PLCG2: variants seen among roughly 807,000 people sequenced by gnomAD.
PLCG2 encodes phospholipase C gamma 2, also known as 1-phosphatidylinositol 4,5-bisphosphate phosphodiesterase gamma-2.
In PLCG2, 69 loss-of-function variants were observed where a neutral mutation model predicts 175.6. The ratio of observed to expected loss-of-function variants is 0.39; its 90% CI spans 0.32 to 0.48. The LOEUF (loss-of-function observed/expected upper bound fraction) is 0.48, where lower values mean the gene tolerates loss of function less well. Ranked by LOEUF, PLCG2 falls within the 20% of genes least tolerant of loss-of-function variation. The pLI is 0.91. For synonymous variants in PLCG2, 827 were observed against 624.0 expected (o/e 1.33, Z -4.85); for missense variants, 1,798 against 1,650.9 (o/e 1.09, Z -1.54).
intron 25 of PLCG2, among the ~76,000 whole-genome samples, chr16:81,932,734 A>G (rs750571185): frequency 5.9e-5 from 9 of 152,194 alleles, no homozygotes; most frequent in Non-Finnish European, 1.0e-4. Flanking sequence ...GGACTGGTCC[A>G]TGGGTGCCCT....
At chr16:81,809,815 G>A (rs1018767360) in intron 2 of PLCG2, among the ~76,000 whole-genome samples, 52 of 113,404 alleles carry the variant, frequency 4.6e-4, no homozygotes, top group African/African-American at 1.7e-3. Flanking sequence ...GCAGAGTCAG[G>A]ATTTTTTGGC....
At chr16:81,797,281 GAA>G (rs35978156) in intron 2 of PLCG2, among the ~76,000 whole-genome samples, 1 of 146,632 alleles carries the variant, frequency 6.8e-6, no homozygotes, top group African/African-American at 2.5e-5. Flanking sequence ...AATCATTTTT[GAA>G]AAAAAAAAAA....
intron 5 of PLCG2, among the ~76,000 whole-genome samples, chr16:81,864,130 T>C (rs1008704891): frequency 6.6e-6 from 1 of 152,186 alleles, no homozygotes; most frequent in Non-Finnish European, 1.5e-5. Context: ...CGGAATCCCC[T>C]GGAGGATTTG....
rs531688561 is a variant in PLCG2, at chr16:81,751,914, CG to C, written c.-144-3953del. Among the ~76,000 whole-genome samples the C allele has an allele frequency of 3.8e-3, 580 of 151,948 alleles. 4 individuals carry two copies. Among genetic ancestry groups the C allele is most frequent in the African/African-American group, 0.013 (553 of 41,468 alleles). On this transcript the variant is annotated intron_variant, in intron 1 of 5. Transcript: ENST00000565054. ...GCAGGCGTCTGTAATCTTAGCTACT[CG>C]GGAGGCTGAGGTGGGAGATTTGCTT...
intron 2 of PLCG2, among the ~76,000 whole-genome samples, chr16:81,849,608 T>A (rs1282804832): frequency 2.6e-5 from 4 of 151,698 alleles, no homozygotes; most frequent in Non-Finnish European, 5.9e-5. Context: ...GAAATACACA[T>A]ACACACACAC....
intron 2 of PLCG2, among the ~76,000 whole-genome samples, chr16:81,844,484 G>C (rs1055161500): frequency 6.6e-6 from 1 of 152,058 alleles, no homozygotes; most frequent in South Asian, 2.1e-4. Flanking sequence ...CCCATGCCCG[G>C]CTAATTTTTG....
At chr16:81,957,597 C>T (rs7202665) in intron 32 of PLCG2, among the ~76,000 whole-genome samples, 4,118 of 152,148 alleles carry the variant, frequency 0.027, 192 homozygotes, top group African/African-American at 0.092. Context: ...GCGGGGCGGC[C>T]GGGGTTGCCA....
intron 2 of PLCG2, among the ~76,000 whole-genome samples, chr16:81,809,861 A>G (rs1904302447): frequency 1.3e-5 from 2 of 151,778 alleles, no homozygotes; most frequent in Admixed American, 6.6e-5. Context: ...CAGCTCAAGC[A>G]AAAAAAGAGA....
chr16:81,755,663 T>C (rs987363432), intron 1 of PLCG2, among the ~76,000 whole-genome samples: 2 of 152,042 alleles, frequency 1.3e-5, no homozygotes, highest in South Asian at 2.1e-4. Flanking sequence ...GTAGCTGGGA[T>C]TACAGGCACC....
intron 2 of PLCG2, among the ~76,000 whole-genome samples, chr16:81,768,164 C>G (rs1489544578): frequency 1.3e-5 from 2 of 152,164 alleles, no homozygotes; most frequent in African/African-American, 4.8e-5. Flanking sequence ...GCGTGAGCCA[C>G]CATGCCCGGC....
intron 1 of PLCG2, among the ~76,000 whole-genome samples, chr16:81,781,267 A>AT (rs919312304): frequency 3.9e-5 from 6 of 152,202 alleles, no homozygotes; most frequent in Admixed American, 6.5e-5. Flanking sequence ...GTCTGAAGCT[A>AT]TTTTTTTATT....
intron 18 of PLCG2, among the ~76,000 whole-genome samples, chr16:81,911,471 T>A (rs1304257474): frequency 1.3e-5 from 2 of 152,152 alleles, no homozygotes; most frequent in East Asian, 3.8e-4. Flanking sequence ...AAGGTGTTGC[T>A]CTGTTGCCCA....
Position 81,889,174 on chromosome 16 carries a change from G to A in PLCG2, c.768G>A (p.Glu256=), listed in dbSNP as rs745516901. Reference sequence around the variant, plus strand: ...CTCGTTCTCTTTGTCATTTTAAGGAGCATTGGGCTCAGGATCTGAACAAAG... The same window carrying A: ...CTCGTTCTCTTTGTCATTTTAAGGAACATTGGGCTCAGGATCTGAACAAAG... ...FQRFLIHEQQ[E]HWAQDLNKVR... The change falls in exon 10 of 33, where the codon GAG becomes GAA. Residue 256 remains glutamate, a splice_region_variant and synonymous_variant. Transcript: ENST00000564138. 5.1e-6 allele frequency: 8 copies of A among 1,577,676 alleles called. No individual in the cohort carries two copies. Among genetic ancestry groups the A allele is most frequent in the Non-Finnish European group, 6.1e-6 (7 of 1,151,754 alleles).
chr16:81,851,967 C>G (rs541899254), intron 2 of PLCG2: 2 of 152,062 alleles, frequency 1.3e-5, no homozygotes, highest in East Asian at 1.9e-4. Context: ...TGAATGGCCA[C>G]GAACCTCTCC....
At position 81,921,182 on chromosome 16, in the gene PLCG2, T is replaced by TTG; in HGVS notation, c.2236-15_2236-14insGT. 2.7e-6 allele frequency: 4 copies of TTG among 1,492,782 alleles called. No homozygotes were observed. Among genetic ancestry groups the TTG allele is most frequent in the Non-Finnish European group, 2.8e-6 (3 of 1,068,890 alleles). 92.5% of individuals were successfully genotyped at this position (1,492,782 alleles called of 1,614,324 possible). On this transcript the variant is annotated splice_polypyrimidine_tract_variant and intron_variant, in intron 20 of 32. Coordinates refer to ENST00000564138, the MANE Select transcript of PLCG2 (RefSeq NM_002661.5). ...AGCATGGATTATTCCATTTCTTTCT[T>TTG]TCTTTTTTTTTCCAGGAAAGAGATA...
Position 81,869,196 on chromosome 16 carries a change from G to T in PLCG2, c.480-18G>T, listed in dbSNP as rs769635408. The T allele has an allele frequency of 1.2e-6, 2 of 1,605,622 alleles. No homozygotes were observed. Among genetic ancestry groups the T allele is most frequent in the African/African-American group, 2.7e-5 (2 of 74,806 alleles). ...GAAAACCCTCAAGGTGACAGAACTG[G>T]GTCTCCCTCTTTTGCAGCATCAGTC... On this transcript the variant is annotated intron_variant, in intron 5 of 32. Coordinates refer to ENST00000564138, the MANE Select transcript of PLCG2 (RefSeq NM_002661.5).
In PLCG2 at chr16:81,938,787, C is replaced by T. The variant is rs76089081; in HGVS notation, c.3199-14C>T. 1 of 1,563,888 alleles carries T rather than the reference C, an allele frequency of 6.4e-7. No homozygotes were observed. Among genetic ancestry groups the T allele is most frequent in the Non-Finnish European group, 8.8e-7 (1 of 1,137,898 alleles). ...ACCCCAGGGGGGTTCCAATGCTTCC[C>T]TTTGGTGTCCCAGGTTCTCGGTGCT... On this transcript the variant is annotated splice_polypyrimidine_tract_variant and intron_variant, in intron 28 of 32. Transcript: ENST00000564138.
At chr16:81,763,670 A>C (rs1264943457) in intron 2 of PLCG2, among the ~76,000 whole-genome samples, 2 of 152,220 alleles carry the variant, frequency 1.3e-5, no homozygotes, top group Non-Finnish European at 2.9e-5. Flanking sequence ...GGCAGCTATA[A>C]AAAGTTACAA....
chr16:81,927,213 A>T (rs1227407596), intron 23 of PLCG2, 35 bp downstream of exon 23: 1 of 1,381,806 alleles, frequency 7.2e-7, no homozygotes. Context: ...TACAGGAAGA[A>T]GGGATCTGCA....
Sources: allele counts gnomAD v4.1 joint callset (sites outside exome capture counted in the v4.1 genomes callset), GRCh38; gene constraint gnomAD v4.1.1; transcripts MANE v1.5; gene names NCBI Gene and HGNC (gene_info 2026-07-23, HGNC 2026-07-21).